Variants in CAMTA1 observed in about 807,000 individuals in gnomAD.
CAMTA1 encodes calmodulin-binding transcription activator 1.
In CAMTA1, 27 loss-of-function variants were observed where a neutral mutation model predicts 170.9. The observed-to-expected ratio is 0.16, with a 90% CI of 0.12 to 0.22. The LOEUF (loss-of-function observed/expected upper bound fraction) is 0.22. Ranked by LOEUF, CAMTA1 falls within the 10% of genes least tolerant of loss-of-function variation. The pLI, the probability that CAMTA1 is intolerant of heterozygous loss-of-function variation, is 1.00. For synonymous variants in CAMTA1, 833 were observed against 891.5 expected (o/e 0.93, Z 1.17); for missense variants, 1,619 against 2,217.2 (o/e 0.73, Z 5.42).
intron 5 of CAMTA1, among the ~76,000 whole-genome samples, chr1:7,428,276 G>A (rs1415722032): frequency 6.6e-6 from 1 of 152,084 alleles, no homozygotes; most frequent in Non-Finnish European, 1.5e-5. Context: ...CTCGTCGGGC[G>A]AATGCACTGT....
intron 3 of CAMTA1, among the ~76,000 whole-genome samples, chr1:6,929,123 AG>A (rs751738445): frequency 9.2e-5 from 14 of 152,208 alleles, no homozygotes; most frequent in Admixed American, 5.2e-4. Context: ...AAAAGTTGGA[AG>A]GACATACTCT....
In CAMTA1 at chr1:7,729,185, C is replaced by T. The variant is rs1330436189; in HGVS notation, c.2915-3263C>T. On this transcript the variant is annotated intron_variant, in intron 11 of 22. Transcript: ENST00000303635. ...AGGCTGGAGTGCAGTGGTGCCATCT[C>T]GGCTCACTGTAACCTCCACCTCCTG... 5.4e-5 allele frequency among the ~76,000 whole-genome samples: 8 copies of T among 149,526 alleles called. 1 individual carries two copies. The highest frequency in any genetic ancestry group is 3.4e-4 in the Admixed American group (5 of 14,864).
chr1:6,904,593 C>G (rs568200819), intron 3 of CAMTA1, among the ~76,000 whole-genome samples: 2 of 148,172 alleles, frequency 1.3e-5, no homozygotes, highest in Non-Finnish European at 3.0e-5. Flanking sequence ...CTTCCTCTAT[C>G]GCCCCAGGCT....
At chr1:6,951,610 C>T (rs549922118) in intron 3 of CAMTA1, among the ~76,000 whole-genome samples, 257 of 152,356 alleles carry the variant, frequency 1.7e-3, no homozygotes, top group African/African-American at 5.8e-3. Flanking sequence ...CCCCCACAGA[C>T]ACTCAGGAGA....
intron 3 of CAMTA1, among the ~76,000 whole-genome samples, chr1:7,034,675 A>T (rs1338140703): frequency 6.6e-6 from 1 of 152,120 alleles, no homozygotes; most frequent in Non-Finnish European, 1.5e-5. Flanking sequence ...TCGACTTAGG[A>T]TGCCCTCCTG....
chr1:7,678,027 G>A (rs980662832), intron 11 of CAMTA1, among the ~76,000 whole-genome samples: 3 of 152,210 alleles, frequency 2.0e-5, no homozygotes, highest in African/African-American at 7.2e-5. Flanking sequence ...TGTCTGAGTG[G>A]CCAAGCAAGC....
At chr1:7,059,873 G>A (rs553769015) in intron 3 of CAMTA1, among the ~76,000 whole-genome samples, 50 of 152,270 alleles carry the variant, frequency 3.3e-4, no homozygotes, top group Non-Finnish European at 5.3e-4. Context: ...CTCACAAAAT[G>A]CTGAGAATCA....
intron 6 of CAMTA1, among the ~76,000 whole-genome samples, chr1:7,543,265 G>T (rs1029869898): frequency 6.6e-6 from 1 of 152,122 alleles, no homozygotes; most frequent in Non-Finnish European, 1.5e-5. Flanking sequence ...CCGGTGTTCA[G>T]CACTATAAAT....
chr1:7,680,406 G>A lies in CAMTA1; in HGVS notation c.2914+2673G>A, dbSNP rs78752371. 6.6e-6 allele frequency among the ~76,000 whole-genome samples: 1 copy of A among 151,976 alleles called. No individual in the cohort carries two copies. The highest frequency in any genetic ancestry group is 2.1e-4 in the South Asian group (1 of 4,832). On this transcript the variant is annotated intron_variant, in intron 11 of 22. Transcript: ENST00000303635. This position sits in a 1 kb window ranked among gnomAD's most constrained non-coding sequence, Gnocchi z 4.4. ...GGGGTGGGCGCCAGGGGACTGCAGC[G>A]CGGAGCAAACTGGGGCACGGCTGCC...
intron 9 of CAMTA1, among the ~76,000 whole-genome samples, chr1:7,666,040 G>A (rs7523710): frequency 0.33 from 49,639 of 151,594 alleles, 8,735 homozygotes; most frequent in Non-Finnish European, 0.39. Flanking sequence ...GTAGTGGCAC[G>A]TGCCTGTAAT....
intron 6 of CAMTA1, among the ~76,000 whole-genome samples, chr1:7,579,552 C>CTTTCTTTCTTTTTTTTTTTTTTTTTTTT (rs1436192966): frequency 3.8e-5 from 3 of 79,194 alleles, no homozygotes; most frequent in African/African-American, 1.8e-4. Context: ...CTTTTCTTTT[C>CTTTCTTTCTTTTTTTTTTTTTTTTTTTT]TTTTTTTTTT....
chr1:7,369,532 G>A (rs2086271620), intron 5 of CAMTA1, among the ~76,000 whole-genome samples: 1 of 152,094 alleles, frequency 6.6e-6, no homozygotes, highest in African/African-American at 2.4e-5. Flanking sequence ...GCTGAGGGAA[G>A]AGACACATGG....
intron 3 of CAMTA1, among the ~76,000 whole-genome samples, chr1:6,950,709 C>T (rs542821424): frequency 3.6e-4 from 54 of 151,060 alleles, no homozygotes; most frequent in African/African-American, 1.3e-3. Context: ...GTCCCATGCA[C>T]CCCCACCCCC....
chr1:7,288,148 G>A (rs1375716443), intron 5 of CAMTA1, among the ~76,000 whole-genome samples: 1 of 152,140 alleles, frequency 6.6e-6, no homozygotes, highest in Non-Finnish European at 1.5e-5. Flanking sequence ...TCCCTGATAA[G>A]CAGTGGAGCC....
intron 5 of CAMTA1, among the ~76,000 whole-genome samples, chr1:7,252,762 G>A (rs943273866): frequency 2.6e-5 from 4 of 152,144 alleles, no homozygotes; most frequent in African/African-American, 9.6e-5. Flanking sequence ...CTACCACCGG[G>A]GCTGTTTTCC....
intron 5 of CAMTA1, among the ~76,000 whole-genome samples, chr1:7,432,556 A>C (rs947678): frequency 0.49 from 73,721 of 152,000 alleles, 18,925 homozygotes; most frequent in East Asian, 0.72. Context: ...GAGAGGAAGC[A>C]TCCTGGTGGG....
rs2149486807 is a variant in CAMTA1, at chr1:7,456,741, C to T, written c.439-11089C>T. ...GGCTGGGCCTGTGCAGGGTGAGGAG[C>T]TGGGCTGCCTTCCCCAAAGCGGTTT... On this transcript the variant is annotated intron_variant, in intron 5 of 22. Transcript: ENST00000303635. The surrounding 1 kb of genome is among the most constrained non-coding windows in gnomAD (Gnocchi z 4.9). Among the ~76,000 whole-genome samples the T allele has an allele frequency of 6.6e-6, 1 of 152,344 alleles. No homozygotes were observed.
intron 3 of CAMTA1, among the ~76,000 whole-genome samples, chr1:7,027,983 C>A (rs1476600226): frequency 6.6e-6 from 1 of 151,772 alleles, no homozygotes; most frequent in Non-Finnish European, 1.5e-5. Flanking sequence ...TGGCTCACTG[C>A]AACCTCTGCC....
chr1:7,059,538 T>G (rs566302147), intron 3 of CAMTA1, among the ~76,000 whole-genome samples: 6 of 152,256 alleles, frequency 3.9e-5, no homozygotes, highest in African/African-American at 1.4e-4. Flanking sequence ...GAGGATCGCT[T>G]GAGCACAGGA....
Sources: allele counts gnomAD v4.1 joint callset (sites outside exome capture counted in the v4.1 genomes callset), GRCh38; gene constraint gnomAD v4.1.1; non-coding constraint Gnocchi (gnomAD v3.1); transcripts MANE v1.5; gene names NCBI Gene and HGNC (gene_info 2026-07-23, HGNC 2026-07-21).